FKBP5: variants seen among roughly 807,000 people sequenced by gnomAD.
FKBP5 encodes FKBP prolyl isomerase 5, also known as peptidyl-prolyl cis-trans isomerase FKBP5.
In FKBP5, 23 loss-of-function variants were observed where a neutral mutation model predicts 50.5. The ratio of observed to expected loss-of-function variants is 0.46; its 90% CI spans 0.33 to 0.65. The LOEUF is 0.65. Among genes scored for constraint, FKBP5 ranks in the 30% least tolerant of loss-of-function variants. FKBP5 has a pLI of 0.02. For synonymous variants in FKBP5, 176 were observed against 190.6 expected (o/e 0.92, Z 0.63); for missense variants, 411 against 553.1 (o/e 0.74, Z 2.58).
chr6:35,588,979 G>A (rs949662960), intron 7 of FKBP5, among the ~76,000 whole-genome samples: 6 of 150,498 alleles, frequency 4.0e-5, no homozygotes, highest in Non-Finnish European at 7.4e-5. Context: ...CTCGGCTCAA[G>A]TAATCCTGCC....
At chr6:35,660,264 A>ATTTTT (rs773891773) in intron 1 of FKBP5, among the ~76,000 whole-genome samples, 2 of 46,728 alleles carry the variant, frequency 4.3e-5, no homozygotes, top group Non-Finnish European at 8.8e-5. Context: ...CATTGATGCT[A>ATTTTT]TTTTTTTTTT....
chr6:35,714,452 CA>C lies in FKBP5; in HGVS notation c.-20+5875del, dbSNP rs371107974. 2.1e-3 allele frequency among the ~76,000 whole-genome samples: 221 copies of C among 104,862 alleles called. 3 individuals carry two copies. The highest frequency in any genetic ancestry group is 5.2e-3 in the African/African-American group (138 of 26,680). 68.8% of individuals were successfully genotyped at this position (104,862 alleles called of 152,430 possible). A position where few individuals can be genotyped will look rare whatever the true frequency, so the allele number is the denominator to read the frequency against. ...GGGTGACAAGAGCGAAACACTGCCT[CA>C]AAAAAAAAAAAAAAGAAAAGAAAAA... On this transcript the variant is annotated intron_variant, in intron 2 of 11. Transcript: ENST00000536438.
At chr6:35,668,934 A>AT (rs908550004) in intron 1 of FKBP5, among the ~76,000 whole-genome samples, 4 of 151,630 alleles carry the variant, frequency 2.6e-5, no homozygotes, top group Admixed American at 6.6e-5. Flanking sequence ...TCCTCTGATA[A>AT]TTTTTTTTTA....
intron 2 of FKBP5, among the ~76,000 whole-genome samples, chr6:35,716,560 G>T (rs1766515417): frequency 6.6e-6 from 1 of 152,034 alleles, no homozygotes; most frequent in Non-Finnish European, 1.5e-5. Context: ...TTAGAAGACA[G>T]TTACCGTGTC....
intron 5 of FKBP5, among the ~76,000 whole-genome samples, chr6:35,613,898 C>T (rs1763568722): frequency 6.6e-6 from 1 of 152,098 alleles, no homozygotes; most frequent in Admixed American, 6.5e-5. Context: ...TGTTCTTTCT[C>T]TCTTTTTTTC....
At chr6:35,582,070 A>T in intron 8 of FKBP5, 3 of 985,494 alleles carry the variant, frequency 3.0e-6, no homozygotes, top group Non-Finnish European at 3.6e-6. Context: ...GGTGATGAAG[A>T]TGGGGCAGAC....
At chr6:35,724,085 G>A (rs531037173) in intron 1 of FKBP5, among the ~76,000 whole-genome samples, 15 of 152,200 alleles carry the variant, frequency 9.9e-5, no homozygotes, top group Non-Finnish European at 2.1e-4. Context: ...CCTGATATAA[G>A]TGCCAGGGAT....
At chr6:35,587,414 G>A (rs944802266) in intron 7 of FKBP5, among the ~76,000 whole-genome samples, 1 of 152,202 alleles carries the variant, frequency 6.6e-6, no homozygotes, top group Non-Finnish European at 1.5e-5. Flanking sequence ...TGCATCTTTA[G>A]AAATACAAGG....
intron 6 of FKBP5, among the ~76,000 whole-genome samples, chr6:35,594,789 C>T (rs1255157343): frequency 6.6e-6 from 1 of 152,158 alleles, no homozygotes; most frequent in Non-Finnish European, 1.5e-5. Flanking sequence ...CTCCAACATA[C>T]CAACACCTTG....
At chr6:35,695,163 A>T (rs1365407477) in intron 2 of FKBP5, among the ~76,000 whole-genome samples, 1 of 151,998 alleles carries the variant, frequency 6.6e-6, no homozygotes, top group Non-Finnish European at 1.5e-5. Context: ...ACTTCTATTT[A>T]TTTTTGTTTT....
chr6:35,671,682 TTAAA>T (rs1765392268), intron 1 of FKBP5, among the ~76,000 whole-genome samples: 2 of 152,162 alleles, frequency 1.3e-5, no homozygotes, highest in South Asian at 4.1e-4. Context: ...CTATGTAAAT[TTAAA>T]AGGCTAGCAA....
intron 1 of FKBP5, among the ~76,000 whole-genome samples, chr6:35,687,759 AAC>A (rs770873544): frequency 1.4e-4 from 22 of 152,298 alleles, no homozygotes; most frequent in Middle Eastern, 3.4e-3. Flanking sequence ...CCAAACGCTG[AAC>A]ACACTGTCCT....
intron 5 of FKBP5, among the ~76,000 whole-genome samples, chr6:35,616,902 T>C (rs1763677351): frequency 6.6e-6 from 1 of 152,172 alleles, no homozygotes; most frequent in African/African-American, 2.4e-5. Flanking sequence ...TGAAGATGAT[T>C]TTCTATCATT....
chr6:35,708,544 G>T (rs548814781), intron 2 of FKBP5, among the ~76,000 whole-genome samples: 22 of 150,856 alleles, frequency 1.5e-4, no homozygotes, highest in Non-Finnish European at 2.8e-4. Flanking sequence ...GAGCCATTGC[G>T]CCTGGCCTTG....
chr6:35,620,474 G>A (rs180927020), intron 3 of FKBP5, among the ~76,000 whole-genome samples, 200 bp from the exon 4 acceptor site: 44 of 151,634 alleles, frequency 2.9e-4, no homozygotes, highest in African/African-American at 8.7e-4. Flanking sequence ...CCTGTTGATC[G>A]GCCCAGCACT....
intron 5 of FKBP5, among the ~76,000 whole-genome samples, chr6:35,615,343 A>C (rs1285295389): frequency 6.6e-6 from 1 of 152,110 alleles, no homozygotes; most frequent in Non-Finnish European, 1.5e-5. Flanking sequence ...GCCTTTCTCC[A>C]ATAAAAGGAA....
chr6:35,585,651 A>ATCAT, intron 8 of FKBP5: 1 of 929,640 alleles, frequency 1.1e-6, no homozygotes, highest in Non-Finnish European at 1.3e-6. Context: ...TAACATATTT[A>ATCAT]TATATTTATA....
At chr6:35,688,474 G>A (rs1049921090) in intron 1 of FKBP5, among the ~76,000 whole-genome samples, 2 of 151,598 alleles carry the variant, frequency 1.3e-5, no homozygotes, top group African/African-American at 2.4e-5. Flanking sequence ...ACGGGCGGGC[G>A]CGACCCGCCT....
At chr6:35,668,798 T>C (rs564233971) in intron 1 of FKBP5, among the ~76,000 whole-genome samples, 2 of 152,134 alleles carry the variant, frequency 1.3e-5, no homozygotes, top group Non-Finnish European at 2.9e-5. Flanking sequence ...TAAGAAACTA[T>C]CAGAACTTCA....
Sources: gnomAD v4.1 joint callset for allele counts (sites outside exome capture counted in the v4.1 genomes callset) on GRCh38, gnomAD v4.1.1 for gene constraint, MANE v1.5 for transcripts, NCBI Gene and HGNC (gene_info 2026-07-23, HGNC 2026-07-21) for gene names.